The following TMEM202 variants were observed in gnomAD, a reference collection of about 807,000 sequenced individuals.
The protein encoded by TMEM202 is transmembrane protein 202.
Under a neutral mutation model 26.1 loss-of-function variants are expected in TMEM202, and 25 were observed. The observed-to-expected ratio is 0.96, with a 90% CI of 0.70 to 1.34. TMEM202 has a LOEUF of 1.34. TMEM202 is among the 40% of genes most tolerant of loss of function. The pLI, the probability that TMEM202 is intolerant of heterozygous loss-of-function variation, is 0.00. For missense variants in TMEM202, 301 were observed against 327.7 expected, an observed-to-expected ratio of 0.92 and a Z score of 0.63; for synonymous variants, 122 against 119.0, an observed-to-expected ratio of 1.02 and a Z score of -0.16.
intron 2 of TMEM202, among the ~76,000 whole-genome samples, chr15:72,403,528 G>A (rs1166105414): frequency 6.6e-6 from 1 of 152,132 alleles, no homozygotes; most frequent in Non-Finnish European, 1.5e-5. Context: ...TTTATCTCAG[G>A]CACTCCTTTT....
chr15:72,404,332 T>C (rs1043317812), intron 2 of TMEM202, among the ~76,000 whole-genome samples: 2 of 152,088 alleles, frequency 1.3e-5, no homozygotes, highest in Non-Finnish European at 2.9e-5. Context: ...GGAGGATAGC[T>C]TGAGTCTGGG....
chr15:72,398,744 C>A lies in TMEM202; in HGVS notation c.173C>A (p.Thr58Lys), dbSNP rs147492128. The A allele has an allele frequency of 6.2e-7, 1 of 1,614,196 alleles. No individual in the cohort carries two copies. The highest frequency in any genetic ancestry group is 1.7e-5 in the Admixed American group (1 of 60,024). ...GATCAGGCACACATCTACATCCGAA[C>A]GCTCTGTGGCAGCCTCTGTAGTTTT... ...LMDQAHIYIR[T>K]LCGSLCSFSL... Residue 58 changes from threonine to lysine, a missense_variant, in exon 2 of 5, where the codon ACG becomes AAG. By Grantham distance (78) the Thr-to-Lys change is moderately conservative. Transcript: ENST00000341689.
intron 2 of TMEM202, 103 bp from the exon 3 acceptor site, chr15:72,406,499 C>A: frequency 1.1e-6 from 1 of 909,738 alleles, no homozygotes; most frequent in Non-Finnish European, 1.7e-6. Flanking sequence ...TCTGCTCCAT[C>A]ATCCTTTGTT....
At chr15:72,407,609 T>C in intron 4 of TMEM202, 82 bp from the exon 5 acceptor site, 4 of 1,287,562 alleles carry the variant, frequency 3.1e-6, no homozygotes, top group Non-Finnish European at 4.5e-6. Context: ...CTTGAACTGG[T>C]TATTAAAGGA....
chr15:72,406,392 T>C (rs1239040570), intron 2 of TMEM202, among the ~76,000 whole-genome samples: 1 of 152,218 alleles, frequency 6.6e-6, no homozygotes, highest in Non-Finnish European at 1.5e-5. Context: ...AGCTAGTTTA[T>C]ATCTAAATCA....
intron 2 of TMEM202, 68 bp downstream of exon 2, chr15:72,398,976 GC>G: frequency 1.3e-6 from 2 of 1,542,362 alleles, no homozygotes; most frequent in Non-Finnish European, 1.7e-6. Context: ...ACACAAATTG[GC>G]CCTTCATGTT....
intron 2 of TMEM202, among the ~76,000 whole-genome samples, chr15:72,401,439 G>T (rs2063547195): frequency 6.6e-6 from 1 of 152,148 alleles, no homozygotes; most frequent in African/African-American, 2.4e-5. Context: ...AGTTACTTGG[G>T]AGGCCGAAGT....
chr15:72,405,552 G>A (rs2140359029), intron 2 of TMEM202, among the ~76,000 whole-genome samples: 1 of 152,254 alleles, frequency 6.6e-6, no homozygotes, highest in Non-Finnish European at 1.5e-5. Context: ...GAGAGGTGTG[G>A]CACTTGGATA....
At chr15:72,402,440 AT>A (rs1466883267) in intron 2 of TMEM202, among the ~76,000 whole-genome samples, 3 of 152,156 alleles carry the variant, frequency 2.0e-5, no homozygotes, top group African/African-American at 4.8e-5. Context: ...TCATATTCCT[AT>A]TCCCTGGGCT....
At chr15:72,398,976 G>GC in intron 2 of TMEM202, 68 bp downstream of exon 2, 1 of 1,542,362 alleles carries the variant, frequency 6.5e-7, no homozygotes. Flanking sequence ...ACACAAATTG[G>GC]CCCTTCATGT....
At chr15:72,402,658 G>T (rs2063553126) in intron 2 of TMEM202, among the ~76,000 whole-genome samples, 1 of 152,196 alleles carries the variant, frequency 6.6e-6, no homozygotes, top group African/African-American at 2.4e-5. Context: ...AAATATAAAG[G>T]ATATATTGCC....
intron 2 of TMEM202, among the ~76,000 whole-genome samples, chr15:72,400,701 G>T (rs2063543430): frequency 1.3e-5 from 2 of 152,298 alleles, no homozygotes; most frequent in African/African-American, 4.8e-5. Context: ...CCAGGAGAGG[G>T]TTCTTGGATC....
chr15:72,401,574 C>T (rs182970605), intron 2 of TMEM202, among the ~76,000 whole-genome samples: 48 of 152,048 alleles, frequency 3.2e-4, no homozygotes, highest in Admixed American at 1.4e-3. Flanking sequence ...ATTAGAATCC[C>T]GAAATTATGT....
At chr15:72,406,490 C>T (rs1381043205) in intron 2 of TMEM202, 112 bp from the exon 3 acceptor site, 1 of 812,376 alleles carries the variant, frequency 1.2e-6, no homozygotes, top group Admixed American at 2.5e-5. Context: ...GTAGCAAGCT[C>T]TGCTCCATCA....
intron 2 of TMEM202, among the ~76,000 whole-genome samples, chr15:72,405,860 T>C (rs1467702573): frequency 6.6e-6 from 1 of 152,004 alleles, no homozygotes; most frequent in Non-Finnish European, 1.5e-5. Flanking sequence ...CATGGTGGCA[T>C]GTGCCTGTAA....
In TMEM202 at chr15:72,407,993, T is replaced by C; in HGVS notation, c.*100T>C. ...AAACTCTCCTAATATCATGTCCATA[T>C]TACTTGAGGAGACAGCATTAAAGCT... On this transcript the variant is annotated 3_prime_UTR_variant, in exon 5 of 5. Transcript: ENST00000341689. 1.1e-6 allele frequency: 1 copy of C among 927,788 alleles called. No homozygotes were observed. Among genetic ancestry groups the C allele is most frequent in the Non-Finnish European group, 1.6e-6 (1 of 615,338 alleles). The allele number at this position is 927,788 out of a possible 1,614,324, so 57.5% of individuals were successfully genotyped here. A position where few individuals can be genotyped will look rare whatever the true frequency, so the allele number is the denominator to read the frequency against.
chr15:72,398,586 A>C (rs2063532522), intron 1 of TMEM202, 67 bp from the exon 2 acceptor site: 2 of 1,583,600 alleles, frequency 1.3e-6, no homozygotes, highest in South Asian at 2.3e-5. Context: ...GAGGTAGAGA[A>C]GAGCGGGTGA....
intron 3 of TMEM202, 147 bp from the exon 4 acceptor site, chr15:72,406,939 C>A: frequency 2.4e-6 from 3 of 1,229,914 alleles, no homozygotes; most frequent in Admixed American, 2.4e-5. Context: ...GGGTATAGAG[C>A]CTTTCTCTCA....
rs748851347 is a variant in TMEM202 at position 72,407,783 on chromosome 15, G to A, written c.712G>A (p.Val238Ile). ...VIPTERSRLG[V>I]GPVTTVSPAK... The stretch of plus-strand genomic sequence containing the variant: ...TCCAACAGAGAGATCAAGGCTGGGG[G>A]TTGGTCCGGTGACTACAGTATCACC... The change falls in exon 5 of 5, where the codon GTT (valine) becomes ATT (isoleucine). Residue 238 changes from valine to isoleucine, a missense_variant. Physicochemically the swap from Val to Ile is conservative, Grantham distance 29 (BLOSUM62 3). Transcript: ENST00000341689. The A allele has an allele frequency of 9.3e-6, 15 of 1,613,950 alleles. No individual in the cohort carries two copies. Among genetic ancestry groups the A allele is most frequent in the Admixed American group, 3.3e-5 (2 of 59,990 alleles).
Sources: allele counts gnomAD v4.1 joint callset (sites outside exome capture counted in the v4.1 genomes callset), GRCh38; gene constraint gnomAD v4.1.1; transcripts MANE v1.5; gene names NCBI Gene and HGNC (gene_info 2026-07-23, HGNC 2026-07-21).